Variants in MICAL3 observed in about 807,000 individuals in gnomAD.
MICAL3 encodes the protein microtubule associated monooxygenase, calponin and LIM domain containing 3, also known as [F-actin]-monooxygenase MICAL3.
MICAL3 carries 62 observed loss-of-function variants against 207.4 expected under a neutral mutation model. The observed-to-expected ratio is 0.30, with a 90% CI of 0.24 to 0.37. The LOEUF is 0.37. Ranked by LOEUF, MICAL3 falls within the 10% of genes least tolerant of loss-of-function variation. The pLI is 1.00. For synonymous variants in MICAL3, 1,077 were observed against 1,069.3 expected (o/e 1.01, Z -0.14); for missense variants, 2,368 against 2,635.6 (o/e 0.90, Z 2.22).
At position 17,993,125 on chromosome 22, in the gene MICAL3, A is replaced by G. The variant is rs141032740; in HGVS notation, c.-75+31156T>C. Reference sequence around the variant, plus strand: ...ACCCAAGCCCATGTCACTAGTTAAAATATTTCCTTTTTCCTTTTTCACAGG... The same window carrying G: ...ACCCAAGCCCATGTCACTAGTTAAAGTATTTCCTTTTTCCTTTTTCACAGG... On this transcript the variant is annotated intron_variant, in intron 1 of 31. Coordinates refer to ENST00000441493, the MANE Select transcript of MICAL3 (RefSeq NM_015241.3). Among the ~76,000 whole-genome samples the G allele has an allele frequency of 7.9e-5, 12 of 152,316 alleles. No individual in the cohort carries two copies. The East Asian group carries it at 1.7e-3, about 22-fold the overall frequency.
intron 16 of MICAL3, among the ~76,000 whole-genome samples, chr22:17,874,259 G>GCT: frequency 6.6e-6 from 1 of 152,274 alleles, no homozygotes; most frequent in South Asian, 2.1e-4. Flanking sequence ...CAAACACGTG[G>GCT]CTCTCAGATC....
At chr22:17,875,279 C>T (rs1196618143) in intron 16 of MICAL3, 1 of 436,296 alleles carries the variant, frequency 2.3e-6, no homozygotes, top group African/African-American at 2.1e-5. Flanking sequence ...CCACAGACCT[C>T]ACACACGAGA....
rs889831359 is a variant in MICAL3, at chr22:17,902,243, C to G, written c.590-264G>C. ...GTGAAACCCTGTCTCTACTAAAATACAAAAATTAGCCAGGCATGGTGACAC... is the reference window on the plus strand; with the variant it reads ...GTGAAACCCTGTCTCTACTAAAATAGAAAAATTAGCCAGGCATGGTGACAC... On this transcript the variant is annotated intron_variant, in intron 4 of 31. Coordinates refer to ENST00000441493, the MANE Select transcript of MICAL3 (RefSeq NM_015241.3). The surrounding 1 kb of genome is among the most constrained non-coding windows in gnomAD (Gnocchi z 4.5). 1.3e-5 allele frequency among the ~76,000 whole-genome samples: 2 copies of G among 152,182 alleles called. No individual in the cohort carries two copies. Among genetic ancestry groups the G allele is most frequent in the African/African-American group, 4.8e-5 (2 of 41,440 alleles).
rs558456214 is a variant in MICAL3, at chr22:17,907,922, G to A, written c.-74-1036C>T. 1.2e-4 allele frequency among the ~76,000 whole-genome samples: 18 copies of A among 152,270 alleles called. No individual in the cohort carries two copies. The South Asian group carries it at 3.7e-3, about 32-fold the overall frequency. Reference sequence around the variant, plus strand: ...ATCGAATTGAACAGCAGTAAATGACGATATCTATGCCTTCCACCTATGGAA... The same window carrying A: ...ATCGAATTGAACAGCAGTAAATGACAATATCTATGCCTTCCACCTATGGAA... On this transcript the variant is annotated intron_variant, in intron 1 of 31. Coordinates refer to ENST00000441493, the MANE Select transcript of MICAL3 (RefSeq NM_015241.3).
At chr22:18,017,803 T>G (rs1233091572) in intron 1 of MICAL3, among the ~76,000 whole-genome samples, 2 of 149,724 alleles carry the variant, frequency 1.3e-5, no homozygotes, top group Non-Finnish European at 3.0e-5. Flanking sequence ...CAGGCTGGAG[T>G]GCAGTGGCTC....
At chr22:17,804,912 C>T (rs893389974) in intron 29 of MICAL3, among the ~76,000 whole-genome samples, 2 of 152,178 alleles carry the variant, frequency 1.3e-5, no homozygotes, top group Non-Finnish European at 2.9e-5. Flanking sequence ...TCCCAGGTGC[C>T]CCAGGACTGG....
At chr22:18,015,328 C>T (rs921983168) in intron 1 of MICAL3, among the ~76,000 whole-genome samples, 2 of 151,874 alleles carry the variant, frequency 1.3e-5, no homozygotes, top group Non-Finnish European at 2.9e-5. Flanking sequence ...TCATTTCTTC[C>T]AATCTCGAAG....
At position 17,791,076 on chromosome 22, in the gene MICAL3, G is replaced by A. The variant is rs1287076310; in HGVS notation, c.5751-5C>T. The A allele has an allele frequency of 6.2e-7, 1 of 1,611,056 alleles. No homozygotes were observed. The highest frequency in any genetic ancestry group is 8.5e-7 in the Non-Finnish European group (1 of 1,179,472). ...TCCAGCTCCAGCTCCCGGGCACTGA[G>A]GAGGCAGGGCAGGAGGGAGACAAGC... On this transcript the variant is annotated splice_region_variant and splice_polypyrimidine_tract_variant and intron_variant, in intron 30 of 31. Transcript: ENST00000441493.
intron 1 of MICAL3, among the ~76,000 whole-genome samples, chr22:17,919,869 C>G (rs577207571): frequency 1.8e-4 from 28 of 152,206 alleles, no homozygotes; most frequent in African/African-American, 6.8e-4. Flanking sequence ...TGTAACTGTT[C>G]CCTATAAAAA....
At chr22:17,973,526 G>A (rs922620282) in intron 1 of MICAL3, among the ~76,000 whole-genome samples, 3 of 152,170 alleles carry the variant, frequency 2.0e-5, no homozygotes, top group Admixed American at 2.0e-4. Context: ...ACCCCTTCCA[G>A]CCCCACTGTG....
At chr22:17,992,673 T>C (rs893331541) in intron 1 of MICAL3, among the ~76,000 whole-genome samples, 1 of 152,156 alleles carries the variant, frequency 6.6e-6, no homozygotes, top group Non-Finnish European at 1.5e-5. Flanking sequence ...CACCCCTCAC[T>C]AGGGCCTAGC....
chr22:17,861,964 G>C, intron 19 of MICAL3: 1 of 985,150 alleles, frequency 1.0e-6, no homozygotes, highest in Non-Finnish European at 1.2e-6. Flanking sequence ...CAAGAATTTT[G>C]GCATAAAAAG....
chr22:17,967,184 T>C (rs780787079), intron 1 of MICAL3, among the ~76,000 whole-genome samples: 9 of 152,170 alleles, frequency 5.9e-5, no homozygotes, highest in Non-Finnish European at 1.3e-4. Flanking sequence ...TGGTCTATCC[T>C]GGCATAACTA....
At chr22:17,941,290 C>A (rs560279121) in intron 1 of MICAL3, among the ~76,000 whole-genome samples, 3 of 152,204 alleles carry the variant, frequency 2.0e-5, no homozygotes, top group African/African-American at 7.2e-5. Context: ...ACACCGGCAC[C>A]GATGTCAGCC....
intron 12 of MICAL3, among the ~76,000 whole-genome samples, chr22:17,891,145 C>T (rs566572286): frequency 5.3e-5 from 8 of 152,218 alleles, no homozygotes; most frequent in Admixed American, 2.0e-4. Flanking sequence ...AGAGTTCAAC[C>T]GGGGCCAATA....
At chr22:17,794,821 C>G (rs1363520113) in intron 29 of MICAL3, among the ~76,000 whole-genome samples, 1 of 152,138 alleles carries the variant, frequency 6.6e-6, no homozygotes, top group Non-Finnish European at 1.5e-5. Context: ...GATGGCTACT[C>G]AAGGACGAGG....
rs981889535 is a variant in MICAL3 at position 17,796,925 on chromosome 22, G to C, written c.5651-5624C>G. ...AGAATGGCCAACAGTGTGGGGGAAA[G>C]AGTGGCCAGCTGTAGGGCAGGTCCC... On this transcript the variant is annotated intron_variant, in intron 29 of 31. Transcript: ENST00000441493. This position sits in a 1 kb window ranked among gnomAD's most constrained non-coding sequence, Gnocchi z 4.4. 2.0e-5 allele frequency among the ~76,000 whole-genome samples: 3 copies of C among 152,216 alleles called. No homozygotes were observed. Among genetic ancestry groups the C allele is most frequent in the African/African-American group, 7.2e-5 (3 of 41,458 alleles).
chr22:17,835,318 C>T (rs746379267), intron 20 of MICAL3, among the ~76,000 whole-genome samples: 2 of 152,240 alleles, frequency 1.3e-5, no homozygotes, highest in African/African-American at 2.4e-5. Context: ...ACCCAGCCCA[C>T]CTCCCAGACA....
chr22:17,987,682 C>A (rs1389538232), intron 1 of MICAL3, among the ~76,000 whole-genome samples: 1 of 152,238 alleles, frequency 6.6e-6, no homozygotes, highest in African/African-American at 2.4e-5. Flanking sequence ...ACAGCACTGT[C>A]ACTGGGAACT....
Sources: gnomAD v4.1 joint callset for allele counts (sites outside exome capture counted in the v4.1 genomes callset) on GRCh38, gnomAD v4.1.1 for gene constraint, Gnocchi (gnomAD v3.1) non-coding constraint, MANE v1.5 for transcripts, NCBI Gene and HGNC (gene_info 2026-07-23, HGNC 2026-07-21) for gene names.